HMBOX1: variants seen among roughly 807,000 people sequenced by gnomAD.
HMBOX1 encodes the protein homeobox-containing protein 1.
Under a neutral mutation model 54.5 loss-of-function variants are expected in HMBOX1, and 14 were observed. The observed-to-expected ratio is 0.26, with a 90% CI of 0.17 to 0.40. The LOEUF (loss-of-function observed/expected upper bound fraction) is 0.40. Ranked by LOEUF, HMBOX1 falls within the 10% of genes least tolerant of loss-of-function variation. The pLI is 1.00. For synonymous variants in HMBOX1, 160 were observed against 181.0 expected, an observed-to-expected ratio of 0.88 and a Z score of 0.93; for missense variants, 332 against 514.4, an observed-to-expected ratio of 0.65 and a Z score of 3.43.
At chr8:28,923,329 A>T (rs1216672359) in intron 1 of HMBOX1, among the ~76,000 whole-genome samples, 4 of 152,176 alleles carry the variant, frequency 2.6e-5, no homozygotes, top group Non-Finnish European at 5.9e-5. Context: ...TTCAGGGTTC[A>T]TCTATATTGT....
intron 6 of HMBOX1, among the ~76,000 whole-genome samples, chr8:29,021,117 G>A (rs1801077778): frequency 6.6e-6 from 1 of 152,172 alleles, no homozygotes; most frequent in Admixed American, 6.5e-5. Context: ...TGAGGTTACA[G>A]TGAGCTATGA....
intron 1 of HMBOX1, among the ~76,000 whole-genome samples, chr8:28,893,008 A>G (rs892914900): frequency 6.6e-6 from 1 of 152,202 alleles, no homozygotes; most frequent in African/African-American, 2.4e-5. Flanking sequence ...AAAAACCAAC[A>G]TGTTTGTTAA....
chr8:28,997,531 CATATGTA>C (rs1334704977), intron 4 of HMBOX1, among the ~76,000 whole-genome samples: 1 of 151,980 alleles, frequency 6.6e-6, no homozygotes, highest in African/African-American at 2.4e-5. Context: ...TTTACATCTG[CATATGTA>C]AGGGACGTTA....
At chr8:28,895,500 C>A (rs1479832819) in intron 1 of HMBOX1, among the ~76,000 whole-genome samples, 1 of 152,066 alleles carries the variant, frequency 6.6e-6, no homozygotes, top group Non-Finnish European at 1.5e-5. Context: ...CATGGCGAAA[C>A]CTTGTCTCTA....
chr8:29,007,868 T>G (rs1833688688), intron 4 of HMBOX1, among the ~76,000 whole-genome samples: 1 of 152,156 alleles, frequency 6.6e-6, no homozygotes, highest in Non-Finnish European at 1.5e-5. Context: ...TCTTTTTTTT[T>G]AACACTCCCC....
At chr8:28,963,953 C>A in intron 2 of HMBOX1, 63 bp downstream of exon 2, 2 of 1,266,218 alleles carry the variant, frequency 1.6e-6, no homozygotes, top group Non-Finnish European at 2.3e-6. Flanking sequence ...TAAGATGTCA[C>A]TATGATTATG....
At chr8:29,032,442 A>C (rs28604951) in intron 6 of HMBOX1, among the ~76,000 whole-genome samples, 3,823 of 152,200 alleles carry the variant, frequency 0.025, 156 homozygotes, top group African/African-American at 0.088. Flanking sequence ...AGTCATTTTC[A>C]ATTAGAAAAA....
chr8:28,933,077 C>CT (rs376134431), intron 1 of HMBOX1, among the ~76,000 whole-genome samples: 132 of 151,592 alleles, frequency 8.7e-4, no homozygotes, highest in South Asian at 3.3e-3. Flanking sequence ...ATCCTGTACT[C>CT]TTTTTTTTTG....
intron 4 of HMBOX1, among the ~76,000 whole-genome samples, chr8:28,992,236 A>T (rs1324270061): frequency 1.3e-5 from 2 of 152,258 alleles, no homozygotes; most frequent in African/African-American, 4.8e-5. Context: ...CCTCTTCTGG[A>T]AAATGGAAAG....
At chr8:28,893,869 A>T (rs554056746) in intron 1 of HMBOX1, among the ~76,000 whole-genome samples, 1 of 152,276 alleles carries the variant, frequency 6.6e-6, no homozygotes, top group South Asian at 2.1e-4. Context: ...GCTCCCGTGC[A>T]ATTTAGTTCT....
chr8:28,903,227 A>AT (rs1214633309), intron 1 of HMBOX1, among the ~76,000 whole-genome samples: 49 of 152,338 alleles, frequency 3.2e-4, no homozygotes, highest in Non-Finnish European at 4.4e-5. Context: ...TTACAATTGA[A>AT]TTTTGTCTTA....
chr8:29,042,294 TGAA>T (rs1399215285), intron 6 of HMBOX1, among the ~76,000 whole-genome samples: 1 of 152,112 alleles, frequency 6.6e-6, no homozygotes, highest in East Asian at 1.9e-4. Flanking sequence ...AAGTTGACCT[TGAA>T]GAGGAGGAGA....
chr8:28,957,901 G>A (rs1057055683), intron 1 of HMBOX1, among the ~76,000 whole-genome samples: 1 of 152,100 alleles, frequency 6.6e-6, no homozygotes, highest in Non-Finnish European at 1.5e-5. Flanking sequence ...GGTATTACAG[G>A]TGGTTCATGC....
intron 1 of HMBOX1, among the ~76,000 whole-genome samples, chr8:28,894,883 G>A (rs1811783557): frequency 6.6e-6 from 1 of 150,820 alleles, no homozygotes; most frequent in Non-Finnish European, 1.5e-5. Context: ...CCAGTGATTA[G>A]TGTAATCTTA....
At chr8:28,911,788 A>G (rs1815495792) in intron 1 of HMBOX1, among the ~76,000 whole-genome samples, 1 of 152,062 alleles carries the variant, frequency 6.6e-6, no homozygotes. Context: ...GCGTCTATAG[A>G]TTTTGGTATC....
chr8:28,915,296 G>A (rs958440167), intron 1 of HMBOX1, among the ~76,000 whole-genome samples: 9 of 151,998 alleles, frequency 5.9e-5, no homozygotes, highest in African/African-American at 1.4e-4. Context: ...CGTGGCTCAC[G>A]CCTGTAATCC....
intron 8 of HMBOX1, chr8:29,048,747 C>T (rs1805985728): frequency 1.9e-6 from 1 of 517,372 alleles, no homozygotes; most frequent in African/African-American, 1.9e-5. Flanking sequence ...GCAGCAGAGA[C>T]CCCAGAATGG....
intron 5 of HMBOX1, among the ~76,000 whole-genome samples, chr8:29,010,660 AATAAAG>A (rs1203615126): frequency 1.3e-5 from 2 of 151,978 alleles, no homozygotes; most frequent in Non-Finnish European, 2.9e-5. Context: ...ATCTCCTAAG[AATAAAG>A]ATAATCTGTA....
At position 28,904,478 on chromosome 8, in the gene HMBOX1, G is replaced by T. The variant is rs529070320; in HGVS notation, c.-58+13800G>T. Among the ~76,000 whole-genome samples, 14 of 152,004 alleles carry T rather than the reference G, an allele frequency of 9.2e-5. No individual in the cohort carries two copies. The South Asian group carries it at 2.5e-3, about 27-fold the overall frequency. On this transcript the variant is annotated intron_variant, in intron 1 of 9. Coordinates refer to ENST00000287701, the MANE Select transcript of HMBOX1 (RefSeq NM_001135726.3). Reference sequence around the variant, plus strand: ...CATCTCTTGACCTTGTGATCCGCCCGCCTAGGCCTCCCCGAGTGCTGGGAT... The same window carrying T: ...CATCTCTTGACCTTGTGATCCGCCCTCCTAGGCCTCCCCGAGTGCTGGGAT...
Sources: gnomAD v4.1 joint callset for allele counts (sites outside exome capture counted in the v4.1 genomes callset) on GRCh38, gnomAD v4.1.1 for gene constraint, MANE v1.5 for transcripts, NCBI Gene and HGNC (gene_info 2026-07-23, HGNC 2026-07-21) for gene names.